TYW1: variants seen among roughly 807,000 people sequenced by gnomAD.
TYW1 encodes tRNA-yW synthesizing protein 1 homolog, also known as S-adenosyl-L-methionine-dependent tRNA 4-demethylwyosine synthase TYW1.
A neutral mutation model predicts 96.2 loss-of-function variants in TYW1; 46 were observed. That is an observed-to-expected ratio of 0.48 (90% CI 0.38 to 0.61). TYW1 has a LOEUF of 0.61. TYW1 is among the 20% of genes least tolerant of loss of function. The pLI is 0.00. For synonymous variants in TYW1, 274 were observed against 323.0 expected, an observed-to-expected ratio of 0.85 and a Z score of 1.63; for missense variants, 684 against 909.6, an observed-to-expected ratio of 0.75 and a Z score of 3.19.
chr7:67,019,919 C>T (rs962121228), intron 6 of TYW1, among the ~76,000 whole-genome samples: 1 of 152,280 alleles, frequency 6.6e-6, no homozygotes, highest in Admixed American at 6.5e-5. Context: ...GTCAGTCAGT[C>T]TGAGTCAAGC....
intron 9 of TYW1, among the ~76,000 whole-genome samples, chr7:67,065,864 A>G (rs1333540362): frequency 6.6e-6 from 1 of 152,104 alleles, no homozygotes; most frequent in African/African-American, 2.4e-5. Flanking sequence ...TACAAATACT[A>G]GCTGGGCGTG....
chr7:67,148,406 C>A (rs1798675861), intron 13 of TYW1, among the ~76,000 whole-genome samples: 1 of 143,784 alleles, frequency 7.0e-6, no homozygotes, highest in African/African-American at 2.6e-5. Flanking sequence ...GGTCACTTAA[C>A]AAGGTTTACT....
chr7:67,080,795 C>T (rs1796360417), intron 10 of TYW1, among the ~76,000 whole-genome samples: 2 of 152,172 alleles, frequency 1.3e-5, no homozygotes, highest in South Asian at 4.1e-4. Flanking sequence ...TTGTAGGCAA[C>T]ACATAGTTGG....
chr7:67,199,949 A>G (rs1164043888), intron 15 of TYW1, among the ~76,000 whole-genome samples: 1 of 152,176 alleles, frequency 6.6e-6, no homozygotes, highest in Non-Finnish European at 1.5e-5. Flanking sequence ...GGGAGGGAGG[A>G]TGGAAGGAAA....
intron 11 of TYW1, among the ~76,000 whole-genome samples, chr7:67,084,279 T>C (rs577586844): frequency 7.0e-4 from 107 of 152,254 alleles, no homozygotes; most frequent in African/African-American, 2.3e-3. Context: ...GGAGGGATAA[T>C]ATAAATAACA....
intron 6 of TYW1, among the ~76,000 whole-genome samples, chr7:67,024,358 G>C (rs1200561293): frequency 6.6e-6 from 1 of 152,010 alleles, no homozygotes; most frequent in Non-Finnish European, 1.5e-5. Flanking sequence ...GTAGCAATGT[G>C]GTCTTGCTAT....
At chr7:67,041,235 A>G (rs1189381043) in intron 7 of TYW1, among the ~76,000 whole-genome samples, 1 of 152,122 alleles carries the variant, frequency 6.6e-6, no homozygotes, top group African/African-American at 2.4e-5. Context: ...GGGATATGGG[A>G]TACTAAACTT....
chr7:67,109,623 G>C (rs182183693), intron 12 of TYW1, among the ~76,000 whole-genome samples: 30 of 152,344 alleles, frequency 2.0e-4, no homozygotes, highest in Admixed American at 1.8e-3. Flanking sequence ...GCTCACGCCT[G>C]TAATCCCAGC....
chr7:67,238,956 T>C lies in TYW1; in HGVS notation c.*427T>C. 1 of 1,011,972 alleles carries C rather than the reference T, an allele frequency of 9.9e-7. No homozygotes were observed. The highest frequency in any genetic ancestry group is 4.1e-5 in the South Asian group (1 of 24,356). The allele number at this position is 1,011,972 out of a possible 1,614,324, so 62.7% of individuals were successfully genotyped here. On this transcript the variant is annotated 3_prime_UTR_variant, in exon 16 of 16. Coordinates refer to ENST00000359626, the MANE Select transcript of TYW1 (RefSeq NM_018264.4). ...CACTTAGCATTGAATTGCACTACCC[T>C]GAGCTAAACGTGTCTGTGCTTTCTA...
intron 10 of TYW1, among the ~76,000 whole-genome samples, chr7:67,070,708 A>G (rs1440183439): frequency 6.6e-6 from 1 of 152,104 alleles, no homozygotes; most frequent in African/African-American, 2.4e-5. Flanking sequence ...TGTTTAAGAT[A>G]GTTGGCTTAA....
At chr7:67,066,883 T>G (rs1795883515) in intron 9 of TYW1, among the ~76,000 whole-genome samples, 1 of 152,184 alleles carries the variant, frequency 6.6e-6, no homozygotes, top group Non-Finnish European at 1.5e-5. Context: ...CAGGATGCAT[T>G]CCCTTACCCA....
intron 15 of TYW1, among the ~76,000 whole-genome samples, chr7:67,210,648 C>A (rs1800969556): frequency 6.6e-6 from 1 of 152,124 alleles, no homozygotes; most frequent in South Asian, 2.1e-4. Context: ...TCTTTCCATC[C>A]TTCTGTGCAT....
At chr7:67,055,565 C>T (rs1179564906) in intron 8 of TYW1, among the ~76,000 whole-genome samples, 1 of 150,082 alleles carries the variant, frequency 6.7e-6, no homozygotes, top group Non-Finnish European at 1.5e-5. Flanking sequence ...CAACACTGCA[C>T]TCCTGCCTGG....
At chr7:67,109,273 CA>C (rs1203625487) in intron 12 of TYW1, among the ~76,000 whole-genome samples, 1,962 of 49,132 alleles carry the variant, frequency 0.04, 36 homozygotes, top group East Asian at 0.19. Flanking sequence ...GACTCCGTCT[CA>C]AAAAAAAAAA....
chr7:67,159,850 G>A (rs935111134), intron 13 of TYW1, among the ~76,000 whole-genome samples: 3 of 151,338 alleles, frequency 2.0e-5, no homozygotes, highest in African/African-American at 4.9e-5. Context: ...GCCCAGGCTG[G>A]AGTGCAGTGG....
chr7:67,095,051 T>G (rs901585465), intron 11 of TYW1, among the ~76,000 whole-genome samples: 14 of 151,260 alleles, frequency 9.3e-5, no homozygotes, highest in East Asian at 2.0e-4. Flanking sequence ...TAGGCTAGAG[T>G]GCAGTGGCGC....
chr7:67,174,265 A>G (rs1033045159), intron 13 of TYW1, among the ~76,000 whole-genome samples: 1 of 152,196 alleles, frequency 6.6e-6, no homozygotes, highest in Admixed American at 6.5e-5. Context: ...TTGGGGCAAT[A>G]CAGGAAAACA....
At chr7:67,006,852 C>T (rs1002095266) in intron 3 of TYW1, among the ~76,000 whole-genome samples, 1 of 149,860 alleles carries the variant, frequency 6.7e-6, no homozygotes, top group African/African-American at 2.5e-5. Flanking sequence ...CCAACATCCA[C>T]TTGGCTTCTG....
chr7:67,230,670 T>TTTTTTTGG (rs58396277), intron 15 of TYW1, among the ~76,000 whole-genome samples: 1 of 145,480 alleles, frequency 6.9e-6, no homozygotes, highest in Non-Finnish European at 1.5e-5. Flanking sequence ...TTTTTTTTTT[T>TTTTTTTGG]GAGGCGGAGT....
Sources: gnomAD v4.1 joint callset for allele counts (sites outside exome capture counted in the v4.1 genomes callset) on GRCh38, gnomAD v4.1.1 for gene constraint, MANE v1.5 for transcripts, NCBI Gene and HGNC (gene_info 2026-07-23, HGNC 2026-07-21) for gene names.